DAB1: variants seen among roughly 807,000 people sequenced by gnomAD.
The protein encoded by DAB1 is DAB adaptor protein 1.
In DAB1, 15 loss-of-function variants were observed where a neutral mutation model predicts 64.6. That is an observed-to-expected ratio of 0.23 (90% confidence interval 0.16 to 0.36). The LOEUF is 0.36. Among genes scored for constraint, DAB1 ranks in the 10% least tolerant of loss-of-function variants. The pLI is 1.00. For missense variants in DAB1, 596 were observed against 706.7 expected (o/e 0.84, Z 1.78); for synonymous variants, 235 against 251.9 (o/e 0.93, Z 0.64).
At chr1:58,187,239 G>A (rs552204504) in intron 4 of DAB1, among the ~76,000 whole-genome samples, 3 of 150,318 alleles carry the variant, frequency 2.0e-5, no homozygotes, top group East Asian at 2.0e-4. Flanking sequence ...CAGGAGGATC[G>A]CTCAAAGCCA....
chr1:57,436,872 C>G (rs1430900759), intron 7 of DAB1, among the ~76,000 whole-genome samples: 1 of 151,764 alleles, frequency 6.6e-6, no homozygotes, highest in African/African-American at 2.4e-5. Flanking sequence ...CTAAAAAATA[C>G]AAAAAATTAC....
At position 58,096,947 on chromosome 1, in the gene DAB1, T is replaced by C. The variant is rs143097703; in HGVS notation, n.387+53564A>G. On this transcript the variant is annotated intron_variant and non_coding_transcript_variant, in intron 5 of 20. Transcript: ENST00000485760. ...GCACATTCCCTGGTATAGTAAGTATTGCCATGGAGTCTCCCCTGTCATGTG... is the reference window on the plus strand; with the variant it reads ...GCACATTCCCTGGTATAGTAAGTATCGCCATGGAGTCTCCCCTGTCATGTG... Among the ~76,000 whole-genome samples, 86 of 152,344 alleles carry C rather than the reference T, an allele frequency of 5.6e-4. 2 individuals carry two copies. In the Middle Eastern group the frequency reaches 0.01, roughly 18 times the overall value.
intron 5 of DAB1, among the ~76,000 whole-genome samples, chr1:58,053,365 A>C (rs1229984238): frequency 6.6e-6 from 1 of 152,172 alleles, no homozygotes; most frequent in Non-Finnish European, 1.5e-5. Flanking sequence ...CATGGCAGAA[A>C]GTAGAAGGTT....
chr1:57,455,544 G>A (rs1344396651), intron 7 of DAB1, among the ~76,000 whole-genome samples: 1 of 152,092 alleles, frequency 6.6e-6, no homozygotes, highest in East Asian at 1.9e-4. Flanking sequence ...CCACAGTGTG[G>A]GGAGTGAATT....
At chr1:58,132,186 A>G (rs1173326834) in intron 5 of DAB1, among the ~76,000 whole-genome samples, 1 of 152,152 alleles carries the variant, frequency 6.6e-6, no homozygotes, top group African/African-American at 2.4e-5. Flanking sequence ...GCCCGTCGGA[A>G]AAGCGCAGTA....
intron 5 of DAB1, among the ~76,000 whole-genome samples, chr1:57,943,817 G>A (rs1645139656): frequency 6.6e-6 from 1 of 152,136 alleles, no homozygotes; most frequent in African/African-American, 2.4e-5. Context: ...AGAAAGCCAT[G>A]CGGAGACCTG....
intron 4 of DAB1, among the ~76,000 whole-genome samples, chr1:58,183,347 C>T (rs569922228): frequency 6.6e-6 from 1 of 151,610 alleles, no homozygotes; most frequent in African/African-American, 2.4e-5. Context: ...TTAGTTAAAG[C>T]CTTCTCTGGT....
intron 5 of DAB1, among the ~76,000 whole-genome samples, chr1:57,982,696 C>T: frequency 6.6e-6 from 1 of 152,300 alleles, no homozygotes; most frequent in South Asian, 2.1e-4. Flanking sequence ...ATAACTAAGT[C>T]GGATGATTCC....
intron 4 of DAB1, among the ~76,000 whole-genome samples, chr1:58,208,489 T>TA (rs1277298523): frequency 6.6e-6 from 1 of 152,284 alleles, no homozygotes; most frequent in East Asian, 1.9e-4. Flanking sequence ...ATATCATTTT[T>TA]ATTCCTTTGT....
At chr1:57,561,914 G>A (rs943980694) in intron 7 of DAB1, among the ~76,000 whole-genome samples, 1 of 152,182 alleles carries the variant, frequency 6.6e-6, no homozygotes, top group Non-Finnish European at 1.5e-5. Context: ...AAGGACAGAG[G>A]TTTGTCCTCA....
At chr1:57,424,080 G>A (rs1475243948), upstream of DAB1, 1 of 151,956 alleles carries the variant, frequency 6.6e-6, no homozygotes, top group Non-Finnish European at 1.5e-5. Context: ...GGGAGCCACC[G>A]GCCCCGCGTC....
chr1:57,495,140 C>A (rs1379981780), intron 7 of DAB1, among the ~76,000 whole-genome samples: 1 of 152,162 alleles, frequency 6.6e-6, no homozygotes, highest in Admixed American at 6.5e-5. Context: ...GCCCCCAAAG[C>A]TCAATGTGAG....
intron 6 of DAB1, among the ~76,000 whole-genome samples, chr1:57,701,248 T>G (rs1646904601): frequency 6.6e-6 from 1 of 152,044 alleles, no homozygotes; most frequent in Non-Finnish European, 1.5e-5. Flanking sequence ...TAAAGACATA[T>G]GCACACGTAT....
At chr1:58,133,888 A>T (rs932698219) in intron 5 of DAB1, among the ~76,000 whole-genome samples, 3 of 152,124 alleles carry the variant, frequency 2.0e-5, no homozygotes, top group Non-Finnish European at 4.4e-5. Flanking sequence ...GGGCCTGTCA[A>T]TTCCTCCTTT....
intron 4 of DAB1, among the ~76,000 whole-genome samples, chr1:57,124,437 A>T (rs1199084581): frequency 6.6e-6 from 1 of 152,214 alleles, no homozygotes; most frequent in Non-Finnish European, 1.5e-5. Flanking sequence ...TATATGGAAG[A>T]TGAACTATCT....
rs72916010 is a variant in DAB1, at chr1:58,425,911, G to A, written n.257+80149C>T. Among the ~76,000 whole-genome samples, 459 of 152,122 alleles carry A rather than the reference G, an allele frequency of 3.0e-3. 3 individuals carry two copies. Among genetic ancestry groups the A allele is most frequent in the African/African-American group, 0.011 (449 of 41,492 alleles). ...GCGAGAAATAAGAGACACAAAGTGC[G>A]GGGTACAGAAGAATAGTCTGGGTGG... is the stretch of plus-strand genomic sequence containing the variant. On this transcript the variant is annotated intron_variant and non_coding_transcript_variant, in intron 3 of 20. Transcript: ENST00000485760.
chr1:58,003,352 G>A (rs570258071), intron 5 of DAB1, among the ~76,000 whole-genome samples: 7 of 152,184 alleles, frequency 4.6e-5, no homozygotes, highest in African/African-American at 1.7e-4. Context: ...AAAATAGATG[G>A]CCCTCAATTT....
At chr1:57,940,025 G>A (rs1645079979) in intron 5 of DAB1, among the ~76,000 whole-genome samples, 2 of 152,218 alleles carry the variant, frequency 1.3e-5, no homozygotes, top group Admixed American at 6.5e-5. Flanking sequence ...GATTTTTACA[G>A]AAGGCCAAAC....
At chr1:57,998,683 A>G (rs1470203504) in intron 5 of DAB1, among the ~76,000 whole-genome samples, 1 of 152,182 alleles carries the variant, frequency 6.6e-6, no homozygotes. Context: ...AAACAGAGAT[A>G]AGACTTTCTA....
Sources: allele counts gnomAD v4.1 joint callset (sites outside exome capture counted in the v4.1 genomes callset), GRCh38; gene constraint gnomAD v4.1.1; transcripts MANE v1.5; gene names NCBI Gene and HGNC (gene_info 2026-07-23, HGNC 2026-07-21).